ZNF438: variants seen among roughly 807,000 people sequenced by gnomAD.
ZNF438 encodes zinc finger protein 438.
A neutral mutation model predicts 38.0 loss-of-function variants in ZNF438; 25 were observed. The ratio of observed to expected loss-of-function variants is 0.66; its 90% CI spans 0.48 to 0.92. The LOEUF is 0.92. Ranked by LOEUF, ZNF438 falls within the 40% of genes least tolerant of loss-of-function variation. ZNF438 has a pLI of 0.00. For missense variants in ZNF438, 1,007 were observed against 999.6 expected (o/e 1.01, Z -0.10); for synonymous variants, 372 against 364.1 (o/e 1.02, Z -0.25).
At chr10:30,960,774 C>T (rs1158528351) in intron 1 of ZNF438, among the ~76,000 whole-genome samples, 1 of 144,622 alleles carries the variant, frequency 6.9e-6, no homozygotes, top group Non-Finnish European at 1.6e-5. Flanking sequence ...GTAATACCAC[C>T]TTAAATCCTT....
intron 1 of ZNF438, among the ~76,000 whole-genome samples, chr10:30,945,146 T>C (rs2047241297): frequency 6.6e-6 from 1 of 152,030 alleles, no homozygotes; most frequent in African/African-American, 2.4e-5. Flanking sequence ...TAGCTTTATC[T>C]ATTTCTCTTT....
intron 2 of ZNF438, among the ~76,000 whole-genome samples, chr10:30,938,281 CTT>C (rs879736192): frequency 1.8e-4 from 26 of 143,574 alleles, no homozygotes; most frequent in Non-Finnish European, 1.4e-4. Flanking sequence ...CTCTATAGCT[CTT>C]TTTTTTTTTT....
At chr10:30,950,926 C>G (rs1327357601) in intron 1 of ZNF438, among the ~76,000 whole-genome samples, 1 of 132,160 alleles carries the variant, frequency 7.6e-6, no homozygotes, top group Admixed American at 7.7e-5. Context: ...GATACCAAAG[C>G]CGGGCAGAGA....
intron 1 of ZNF438, among the ~76,000 whole-genome samples, chr10:30,984,846 A>G (rs1029743171): frequency 6.6e-6 from 1 of 152,204 alleles, no homozygotes; most frequent in African/African-American, 2.4e-5. Flanking sequence ...AAAAGGACAC[A>G]TGTCTAGTAA....
In ZNF438 at chr10:30,928,727, C is replaced by CCA. The variant is rs1564660279; in HGVS notation, c.-115+12847_-115+12848insTG. On this transcript the variant is annotated intron_variant, in intron 2 of 5. Transcript: ENST00000413025. ...AGTTAACTCTACCCTCCACTGTCCC[C>CCA]GAGTCCTGGTCTAGATTCTCTGTAG... Among the ~76,000 whole-genome samples the CCA allele has an allele frequency of 1.8e-4, 27 of 152,278 alleles. 2 individuals carry two copies. Among genetic ancestry groups the CCA allele is most frequent in the African/African-American group, 5.5e-4 (23 of 41,542 alleles).
intron 3 of ZNF438, among the ~76,000 whole-genome samples, chr10:30,878,539 C>T (rs569364486): frequency 3.3e-5 from 5 of 152,148 alleles, no homozygotes; most frequent in Non-Finnish European, 7.3e-5. Flanking sequence ...TTGGACACCA[C>T]ACAAGGGCTT....
intron 1 of ZNF438, among the ~76,000 whole-genome samples, chr10:30,985,601 T>C (rs575287887): frequency 2.0e-5 from 3 of 152,358 alleles, no homozygotes; most frequent in African/African-American, 7.2e-5. Flanking sequence ...GTTCATTCTG[T>C]AGAATATGAA....
intron 2 of ZNF438, among the ~76,000 whole-genome samples, chr10:30,914,536 T>C (rs2043398916): frequency 6.6e-6 from 1 of 152,042 alleles, no homozygotes; most frequent in Non-Finnish European, 1.5e-5. Context: ...ATGTTACCAC[T>C]GGGGGGATTG....
chr10:30,886,908 A>G (rs1389618), intron 3 of ZNF438, among the ~76,000 whole-genome samples: 90,812 of 152,098 alleles, frequency 0.6, 27,455 homozygotes, highest in African/African-American at 0.66. Flanking sequence ...ATACCTTTAC[A>G]GTGATCACTG....
chr10:30,924,201 A>G (rs998273998), intron 2 of ZNF438, among the ~76,000 whole-genome samples: 1 of 152,228 alleles, frequency 6.6e-6, no homozygotes, highest in African/African-American at 2.4e-5. Flanking sequence ...GGTTTGGTCT[A>G]GGTCCTGATG....
At chr10:30,944,793 C>T (rs555234743) in intron 1 of ZNF438, among the ~76,000 whole-genome samples, 3 of 152,200 alleles carry the variant, frequency 2.0e-5, no homozygotes, top group East Asian at 3.9e-4. Context: ...AGAGGAGAAA[C>T]GGTTGTTTCA....
At chr10:30,918,662 G>A (rs1285745441) in intron 2 of ZNF438, among the ~76,000 whole-genome samples, 1 of 152,088 alleles carries the variant, frequency 6.6e-6, no homozygotes, top group Non-Finnish European at 1.5e-5. Flanking sequence ...ATTCTGTATG[G>A]TAAACAAGAC....
rs148696356 is a variant in ZNF438, at chr10:31,029,510, G to A, written c.-192+2323C>T. ...TTCCACATCAGCTCGTTTCCCGTCA[G>A]CTCTACCTTCAAAACGTATCACCAA... On this transcript the variant is annotated intron_variant, in intron 1 of 5. Coordinates refer to ENST00000413025, the Ensembl canonical transcript of ZNF438. Among the ~76,000 whole-genome samples, 3 of 152,156 alleles carry A rather than the reference G, an allele frequency of 2.0e-5. No homozygotes were observed. The East Asian group carries it at 5.8e-4, about 29-fold the overall frequency.
chr10:30,891,032 G>C lies in ZNF438; in HGVS notation c.-31-13967C>G, dbSNP rs114017348. On this transcript the variant is annotated intron_variant, in intron 3 of 5. Transcript: ENST00000413025. The stretch of plus-strand genomic sequence containing the variant: ...AAGAAATCCAAAGCCACTGTGAGTA[G>C]TTCTTTGTATATAATTTGCTTTTAT... Among the ~76,000 whole-genome samples the C allele has an allele frequency of 9.9e-3, 1,513 of 152,264 alleles. 23 individuals carry two copies. Among genetic ancestry groups the C allele is most frequent in the African/African-American group, 0.034 (1,407 of 41,550 alleles).
At chr10:30,964,885 A>G (rs539763660) in intron 1 of ZNF438, among the ~76,000 whole-genome samples, 4 of 152,338 alleles carry the variant, frequency 2.6e-5, no homozygotes, top group African/African-American at 7.2e-5. Flanking sequence ...CATTCTGGAC[A>G]CTGGCCTTGG....
At chr10:30,879,527 G>C (rs1212975138) in intron 3 of ZNF438, among the ~76,000 whole-genome samples, 1 of 152,114 alleles carries the variant, frequency 6.6e-6, no homozygotes, top group Non-Finnish European at 1.5e-5. Context: ...AATCAAAACT[G>C]AGCAGGACTG....
intron 1 of ZNF438, among the ~76,000 whole-genome samples, chr10:31,017,068 G>A (rs1365960540): frequency 6.6e-6 from 1 of 152,060 alleles, no homozygotes; most frequent in Non-Finnish European, 1.5e-5. Flanking sequence ...CACCACCATC[G>A]CACACAAAAT....
At chr10:30,982,265 C>A (rs2052289780) in intron 1 of ZNF438, among the ~76,000 whole-genome samples, 1 of 151,866 alleles carries the variant, frequency 6.6e-6, no homozygotes. Flanking sequence ...CCACGCCTGG[C>A]TAATTTTTTG....
chr10:31,012,830 A>G (rs572839013), intron 1 of ZNF438, among the ~76,000 whole-genome samples: 1 of 152,326 alleles, frequency 6.6e-6, no homozygotes, highest in South Asian at 2.1e-4. Context: ...AATGCCAGAA[A>G]GGAGGTAAGA....
Sources: gnomAD v4.1 joint callset for allele counts (sites outside exome capture counted in the v4.1 genomes callset) on GRCh38, gnomAD v4.1.1 for gene constraint, MANE v1.5 for transcripts, NCBI Gene and HGNC (gene_info 2026-07-23, HGNC 2026-07-21) for gene names.